ERLIN2: variants seen among roughly 807,000 people sequenced by gnomAD.
ERLIN2 encodes erlin-2.
A neutral mutation model predicts 41.5 loss-of-function variants in ERLIN2; 22 were observed. That is an observed-to-expected ratio of 0.53 (90% CI 0.38 to 0.76). The LOEUF (loss-of-function observed/expected upper bound fraction) is 0.76. Among genes scored for constraint, ERLIN2 ranks in the 30% least tolerant of loss-of-function variants. The pLI is 0.00. For missense variants in ERLIN2, 247 were observed against 414.3 expected (o/e 0.60, Z 3.51); for synonymous variants, 149 against 150.9 (o/e 0.99, Z 0.09).
Position 37,749,784 on chromosome 8 carries a change from C to T in ERLIN2, c.499-10C>T, listed in dbSNP as rs747211364. The T allele has an allele frequency of 1.2e-6, 2 of 1,613,988 alleles. No homozygotes were observed. Among genetic ancestry groups the T allele is most frequent in the East Asian group, 2.2e-5 (1 of 44,882 alleles). On this transcript the variant is annotated splice_polypyrimidine_tract_variant and intron_variant, in intron 7 of 11. Coordinates refer to ENST00000519638, the MANE Select transcript of ERLIN2 (RefSeq NM_007175.8). The stretch of plus-strand genomic sequence containing the variant: ...CTTTCCCATCAGCTGCTGTTTTAAT[C>T]TCTCTCCAGGCTGTGCGGGTAACAA...
At position 37,757,601 on chromosome 8, in the gene ERLIN2, C is replaced by T. The variant is rs567358079; in HGVS notation, c.*3486C>T. The T allele has an allele frequency of 2.0e-5, 3 of 152,112 alleles. No individual in the cohort carries two copies. Among genetic ancestry groups the T allele is most frequent in the African/African-American group, 7.2e-5 (3 of 41,406 alleles). The allele number at this position is 152,112 out of a possible 1,614,324, so 9.4% of individuals were successfully genotyped here. ...TGATAGCTGGAGGAATTGTTTTGGA[C>T]AATACTAACATGTGAATTTATGTCT... is the stretch of plus-strand genomic sequence containing the variant. On this transcript the variant is annotated 3_prime_UTR_variant, in exon 12 of 12. Coordinates refer to ENST00000519638, the MANE Select transcript of ERLIN2 (RefSeq NM_007175.8).
chr8:37,740,798 A>G (rs886807364), intron 3 of ERLIN2: 2 of 153,026 alleles, frequency 1.3e-5, no homozygotes, highest in African/African-American at 4.8e-5. Context: ...GAATTCAGAA[A>G]TACGAACATA....
intron 6 of ERLIN2, among the ~76,000 whole-genome samples, chr8:37,747,002 G>A (rs1201778027): frequency 3.3e-5 from 5 of 152,110 alleles, no homozygotes; most frequent in Non-Finnish European, 7.4e-5. Flanking sequence ...TAACTTTGAA[G>A]AAAGAATAAA....
rs1803401241 is a variant in ERLIN2, at chr8:37,758,265, T to G, written c.*4150T>G. The G allele has an allele frequency of 6.6e-6, 1 of 152,214 alleles. No homozygotes were observed. The highest frequency in any genetic ancestry group is 2.1e-4 in the South Asian group (1 of 4,826). The allele number at this position is 152,214 out of a possible 1,614,324, so 9.4% of individuals were successfully genotyped here. The stretch of plus-strand genomic sequence containing the variant: ...ACACAAATAATATGATCTTAACAAT[T>G]GAATAGTTATGTTAAGAGTGTAGTT... On this transcript the variant is annotated 3_prime_UTR_variant, in exon 12 of 12. Coordinates refer to ENST00000519638, the MANE Select transcript of ERLIN2 (RefSeq NM_007175.8).
chr8:37,738,187 AAG>A (rs1398993027), intron 2 of ERLIN2, among the ~76,000 whole-genome samples, 158 bp downstream of exon 2: 7 of 152,248 alleles, frequency 4.6e-5, no homozygotes, highest in African/African-American at 1.7e-4. Context: ...AACCACGGGA[AAG>A]AGAATACACA....
Position 37,740,346 on chromosome 8 carries a change from T to C in ERLIN2, c.108-19T>C. The stretch of plus-strand genomic sequence containing the variant: ...TCTTGCCAAACTGAAGCTGCCTCTC[T>C]CTTCCCCCTCCTCTGCAGAGGCGGT... On this transcript the variant is annotated intron_variant, in intron 2 of 11. Transcript: ENST00000519638. The C allele has an allele frequency of 6.2e-7, 1 of 1,602,484 alleles. No homozygotes were observed. The highest frequency in any genetic ancestry group is 8.5e-7 in the Non-Finnish European group (1 of 1,170,720).
In ERLIN2 at chr8:37,754,168, G is replaced by A. The variant is rs541922619; in HGVS notation, c.*53G>A. On this transcript the variant is annotated 3_prime_UTR_variant, in exon 12 of 12. Transcript: ENST00000519638. ...ACTTAAGCAGATCTTTATTTTTTAA[G>A]ATGAATCAGAATGTTCCTCCCTCCC... is the stretch of plus-strand genomic sequence containing the variant. 4 of 1,317,886 alleles carry A rather than the reference G, an allele frequency of 3.0e-6. No individual in the cohort carries two copies. In the East Asian group the frequency reaches 9.6e-5, roughly 32 times the overall value. 81.6% of individuals were successfully genotyped at this position (1,317,886 alleles called of 1,614,324 possible). A position where few individuals can be genotyped will look rare whatever the true frequency, so the allele number is the denominator to read the frequency against.
chr8:37,744,544 A>C, intron 5 of ERLIN2, 27 bp from the exon 6 acceptor site: 3 of 1,614,054 alleles, frequency 1.9e-6, no homozygotes, highest in Non-Finnish European at 2.5e-6. Flanking sequence ...GCCTTTTCTT[A>C]TGCCAAGCCC....
At chr8:37,739,534 G>C (rs1802778396) in intron 2 of ERLIN2, among the ~76,000 whole-genome samples, 1 of 151,754 alleles carries the variant, frequency 6.6e-6, no homozygotes, top group Non-Finnish European at 1.5e-5. Context: ...GGAGTGCAGT[G>C]GTGAGATCTT....
rs1173830265 is a variant in ERLIN2 at position 37,755,771 on chromosome 8, CT to C, written c.*1658del. On this transcript the variant is annotated 3_prime_UTR_variant, in exon 12 of 12. Transcript: ENST00000519638. ...AAAGATACAGTGTTAGCTCCCCTTA[CT>C]TCAAAGTTGCCCTTCTCTGTTCTGA... 1.3e-5 allele frequency: 2 copies of C among 152,106 alleles called. No homozygotes were observed. Among genetic ancestry groups the C allele is most frequent in the Non-Finnish European group, 2.9e-5 (2 of 68,046 alleles). 9.4% of individuals were successfully genotyped at this position (152,106 alleles called of 1,614,324 possible). A position where few individuals can be genotyped will look rare whatever the true frequency, so the allele number is the denominator to read the frequency against.
At chr8:37,745,269 C>A (rs1261696631) in intron 6 of ERLIN2, 8 of 488,526 alleles carry the variant, frequency 1.6e-5, no homozygotes. Flanking sequence ...AACCATAGCT[C>A]CTTCCAGTTC....
chr8:37,739,886 TCCTCAACCTCCCAG>T (rs1802790675), intron 2 of ERLIN2, among the ~76,000 whole-genome samples: 1 of 151,656 alleles, frequency 6.6e-6, no homozygotes, highest in African/African-American at 2.4e-5. Flanking sequence ...TCTCACTACA[TCCTCAACCTCCCAG>T]GCTCAAGCAA....
chr8:37,737,930 A>G lies in ERLIN2; in HGVS notation c.8A>G (p.Gln3Arg), dbSNP rs748766759. 1 of 1,614,184 alleles carries G rather than the reference A, an allele frequency of 6.2e-7. No homozygotes were observed. The highest frequency in any genetic ancestry group is 8.5e-7 in the Non-Finnish European group (1 of 1,180,034). ...TAGGATAAAGGCTCACTGATGGCTC[A>G]GTTGGGAGCAGTTGTGGCTGTGGCT... The part of the protein sequence containing the change: MA[Q>R]LGAVVAVASS... Residue 3 changes from glutamine (Q) to arginine (R), a missense_variant, in exon 2 of 12, where the codon CAG becomes CGG. Coordinates refer to ENST00000519638, the MANE Select transcript of ERLIN2 (RefSeq NM_007175.8).
chr8:37,746,592 A>G, intron 6 of ERLIN2: 1 of 894,726 alleles, frequency 1.1e-6, no homozygotes, highest in Non-Finnish European at 1.3e-6. Context: ...TCTATAATGT[A>G]TCCCTCCTAT....
chr8:37,750,913 G>T (rs1803204259), intron 9 of ERLIN2, among the ~76,000 whole-genome samples: 1 of 152,062 alleles, frequency 6.6e-6, no homozygotes, highest in Non-Finnish European at 1.5e-5. Flanking sequence ...TAGAGATGGG[G>T]TGTCACCATG....
Position 37,755,439 on chromosome 8 carries a change from T to G in ERLIN2, c.*1324T>G, listed in dbSNP as rs1803331976. The G allele has an allele frequency of 6.6e-6, 1 of 152,156 alleles. No homozygotes were observed. Among genetic ancestry groups the G allele is most frequent in the Non-Finnish European group, 1.5e-5 (1 of 68,044 alleles). The allele number at this position is 152,156 out of a possible 1,614,324, so 9.4% of individuals were successfully genotyped here. ...GGGGGTGTCCAACCTGTATAGCCCATGGGTTGTGTCTAGAATTAAGTGGAG... is the reference window on the plus strand; with the variant it reads ...GGGGGTGTCCAACCTGTATAGCCCAGGGGTTGTGTCTAGAATTAAGTGGAG... On this transcript the variant is annotated 3_prime_UTR_variant, in exon 12 of 12. Coordinates refer to ENST00000519638, the MANE Select transcript of ERLIN2 (RefSeq NM_007175.8).
Position 37,741,745 on chromosome 8 carries a change from A to G in ERLIN2, c.190-27A>G. On this transcript the variant is annotated intron_variant, in intron 3 of 11. Transcript: ENST00000519638. The surrounding 1 kb of genome is among the most constrained non-coding windows in gnomAD (Gnocchi z 4.8). ...GTTACTTTGTCACTGCCCATCTTCT[A>G]GCACTTTATGTTTCCTCTGTTTCCA... 6.3e-7 allele frequency: 1 copy of G among 1,596,428 alleles called. No individual in the cohort carries two copies. Among genetic ancestry groups the G allele is most frequent in the Non-Finnish European group, 8.6e-7 (1 of 1,163,816 alleles).
At position 37,742,065 on chromosome 8, in the gene ERLIN2, C is replaced by T. The variant is rs141610049; in HGVS notation, c.236+247C>T. 7.6e-3 allele frequency among the ~76,000 whole-genome samples: 1,162 copies of T among 151,998 alleles called. 18 individuals are homozygous for T. Among genetic ancestry groups the T allele is most frequent in the African/African-American group, 0.027 (1,105 of 41,454 alleles). On this transcript the variant is annotated intron_variant, in intron 4 of 11. Coordinates refer to ENST00000519638, the MANE Select transcript of ERLIN2 (RefSeq NM_007175.8). ...TACTCTATTAGAAGTGAGGATCGGC[C>T]GGGCGCGGTGGCTCACACCTGTAAT... is the stretch of plus-strand genomic sequence containing the variant.
At chr8:37,753,588 G>C (rs764417193) in intron 11 of ERLIN2, 59 bp downstream of exon 11, 5 of 1,509,088 alleles carry the variant, frequency 3.3e-6, no homozygotes, top group Non-Finnish European at 2.8e-6. Context: ...TGTATTGCAG[G>C]AGAGTTTCCA....
Sources: gnomAD v4.1 joint callset for allele counts (sites outside exome capture counted in the v4.1 genomes callset) on GRCh38, gnomAD v4.1.1 for gene constraint, Gnocchi (gnomAD v3.1) non-coding constraint, MANE v1.5 for transcripts, NCBI Gene and HGNC (gene_info 2026-07-23, HGNC 2026-07-21) for gene names.